Variants in VGF observed in about 807,000 individuals in gnomAD.
VGF encodes the protein VGF nerve growth factor inducible.
In VGF, 13 loss-of-function variants were observed where a neutral mutation model predicts 41.1. The observed-to-expected ratio is 0.32, with a 90% CI of 0.21 to 0.50. VGF has a LOEUF of 0.50. VGF is among the 20% of genes least tolerant of loss of function. The pLI, the probability that VGF is intolerant of heterozygous loss-of-function variation, is 0.98. For synonymous variants in VGF, 473 were observed against 418.3 expected, an observed-to-expected ratio of 1.13 and a Z score of -1.60; for missense variants, 920 against 882.1, an observed-to-expected ratio of 1.04 and a Z score of -0.54.
At position 101,164,205 on chromosome 7, in the gene VGF, G is replaced by T. The variant is rs1797173907; in HGVS notation, c.639C>A (p.Phe213Leu). Reference protein sequence around the residue: ...ERVWRASWGEFQARVPERAPL... With the variant: ...ERVWRASWGELQARVPERAPL... ...GCGCGCGCTCCGGGACACGCGCCTGGAACTCTCCCCAGGAAGCGCGCCATA... is the reference window on the plus strand; with the variant it reads ...GCGCGCGCTCCGGGACACGCGCCTGTAACTCTCCCCAGGAAGCGCGCCATA... Residue 213 changes from phenylalanine (F) to leucine (L), a missense_variant, in exon 2 of 2, where the codon TTC becomes TTA. This residue lies in a region of VGF where 654 missense variants were observed against 638.4 expected (regional missense o/e 1.02). Coordinates refer to ENST00000249330, the MANE Select transcript of VGF (RefSeq NM_003378.4). The T allele has an allele frequency of 3.2e-6, 5 of 1,551,612 alleles. No individual in the cohort carries two copies. Among genetic ancestry groups the T allele is most frequent in the Non-Finnish European group, 4.3e-6 (5 of 1,152,350 alleles).
In VGF at chr7:101,164,018, A is replaced by T. The variant is rs758107473; in HGVS notation, c.826T>A (p.Phe276Ile). The T allele has an allele frequency of 6.8e-7, 1 of 1,477,430 alleles. No individual in the cohort carries two copies. Among genetic ancestry groups the T allele is most frequent in the Non-Finnish European group, 8.9e-7 (1 of 1,127,170 alleles). 91.5% of individuals were successfully genotyped at this position (1,477,430 alleles called of 1,614,324 possible). A position where few individuals can be genotyped will look rare whatever the true frequency, so the allele number is the denominator to read the frequency against. ...SKAYQGVAAP[F>I]PKARRPESAL... ...CTCTCCGGCCGGCGCGCCTTGGGGA[A>T]CGGGGCGGCCACGCCTTGGTACGCC... Residue 276 changes from phenylalanine (F) to isoleucine (I), a missense_variant, in exon 2 of 2, where the codon TTC (phenylalanine) becomes ATC (isoleucine). Phe to Ile is a conservative substitution (Grantham distance 21). Coordinates refer to ENST00000249330, the MANE Select transcript of VGF (RefSeq NM_003378.4).
chr7:101,167,327 G>A (rs577879280), upstream of VGF, among the ~76,000 whole-genome samples: 15 of 152,250 alleles, frequency 9.9e-5, no homozygotes, highest in Admixed American at 3.9e-4. The surrounding 1 kb of genome is among the most constrained non-coding windows in gnomAD (Gnocchi z 4.2). Context: ...GGTAGAAGGA[G>A]CAGGCTAAAG....
chr7:101,165,459 C>T lies in VGF; in HGVS notation c.-106G>A. On this transcript the variant is annotated 5_prime_UTR_variant, in exon 1 of 2. Coordinates refer to ENST00000249330, the MANE Select transcript of VGF (RefSeq NM_003378.4). ...AGATCGGGACGCGTCCGCCTCGGCTCCGAGCGGTGGCCGGGGTAGGAGCGA... is the reference window on the plus strand; with the variant it reads ...AGATCGGGACGCGTCCGCCTCGGCTTCGAGCGGTGGCCGGGGTAGGAGCGA... The T allele has an allele frequency of 1.0e-6, 1 of 985,438 alleles. No homozygotes were observed. Among genetic ancestry groups the T allele is most frequent in the Non-Finnish European group, 1.2e-6 (1 of 829,966 alleles). The allele number at this position is 985,438 out of a possible 1,614,324, so 61.0% of individuals were successfully genotyped here. A position where few individuals can be genotyped will look rare whatever the true frequency, so the allele number is the denominator to read the frequency against.
At position 101,164,604 on chromosome 7, in the gene VGF, C is replaced by A. The variant is rs1426773724; in HGVS notation, c.240G>T (p.Arg80=). 6.3e-7 allele frequency: 1 copy of A among 1,599,466 alleles called. No homozygotes were observed. Among genetic ancestry groups the A allele is most frequent in the Non-Finnish European group, 8.5e-7 (1 of 1,174,714 alleles). Residue 80 remains arginine (R), a synonymous_variant, in exon 2 of 2, where the codon CGG becomes CGT. Transcript: ENST00000249330. ...CCTGCAGCAGCACCGCGGCCAGCGC[C>A]CGGGGATCCACGCCCTGGAAAAGCT... is the stretch of plus-strand genomic sequence containing the variant. ...EGELFQGVDP[R]ALAAVLLQAL...
chr7:101,163,173 C>G lies in VGF; in HGVS notation c.1671G>C (p.Pro557=). 6.4e-7 allele frequency: 1 copy of G among 1,561,306 alleles called. No individual in the cohort carries two copies. Among genetic ancestry groups the G allele is most frequent in the South Asian group, 1.2e-5 (1 of 83,552 alleles). ...PNYIRPRTLQ[P]PSALRRRHYH... ...AGTGGCGGCGGCGCAAGGCCGAGGG[C>G]GGCTGCAGTGTCCGCGGCCGGATGT... The change falls in exon 2 of 2, where the codon CCG becomes CCC. Residue 557 remains proline, a synonymous_variant. Transcript: ENST00000249330. This position sits in a 1 kb window ranked among gnomAD's most constrained non-coding sequence, Gnocchi z 5.0.
At chr7:101,165,580 C>A (rs569072028), upstream of VGF, 8 of 985,408 alleles carry the variant, frequency 8.1e-6, no homozygotes, top group East Asian at 9.1e-4. Flanking sequence ...GGACAGCGCC[C>A]GCGCCTCCAC....
rs1562868095 is a variant in VGF at position 101,163,422 on chromosome 7, C to T, written c.1422G>A (p.Glu474=). The T allele has an allele frequency of 6.2e-7, 1 of 1,610,336 alleles. No homozygotes were observed. The highest frequency in any genetic ancestry group is 1.7e-4 in the Middle Eastern group (1 of 6,008). Residue 474 remains glutamate, a synonymous_variant, in exon 2 of 2, where the codon GAG becomes GAA. Transcript: ENST00000249330. This position sits in a 1 kb window ranked among gnomAD's most constrained non-coding sequence, Gnocchi z 5.0. ...TCCGCTTCCGCTTCTCCTCCACCTC[C>T]TCGATGATGCTGACCACGTCGTCCG... is the stretch of plus-strand genomic sequence containing the variant. ...LPADDVVSII[E]EVEEKRKRKK...
chr7:101,166,777 G>C (rs1469089328), upstream of VGF, among the ~76,000 whole-genome samples: 1 of 136,350 alleles, frequency 7.3e-6, no homozygotes, highest in African/African-American at 2.7e-5. Context: ...GGGCGGGGGT[G>C]GGGGGGAGGA....
chr7:101,166,523 G>GGGGA (rs558445019), upstream of VGF, among the ~76,000 whole-genome samples: 2 of 150,080 alleles, frequency 1.3e-5, no homozygotes, highest in Non-Finnish European at 3.0e-5. Flanking sequence ...GGTGGGGGGG[G>GGGGA]GGTGACTCAA....
chr7:101,164,720 G>A lies in VGF; in HGVS notation c.124C>T (p.Pro42Ser). 2.5e-6 allele frequency: 4 copies of A among 1,610,444 alleles called. No homozygotes were observed. Among genetic ancestry groups the A allele is most frequent in the Non-Finnish European group, 3.4e-6 (4 of 1,178,750 alleles). The stretch of plus-strand genomic sequence containing the variant: ...CCGGGCACTGCGTCCCCGGCTACCG[G>A]CTCTTTATGCTCAGAGCTGAGAGGA... ...PPPLSSEHKE[P>S]VAGDAVPGPK... The change falls in exon 2 of 2, where the codon CCG (proline) becomes TCG (serine). Residue 42 changes from proline to serine, a missense_variant. Pro to Ser is a moderately conservative substitution (Grantham distance 74). This residue lies in a region of VGF where 654 missense variants were observed against 638.4 expected (regional missense o/e 1.02). Coordinates refer to ENST00000249330, the MANE Select transcript of VGF (RefSeq NM_003378.4).
Position 101,163,035 on chromosome 7 carries a change from C to G in VGF, c.1809G>C (p.Leu603=). The change falls in exon 2 of 2, where the codon CTG becomes CTC. Residue 603 remains leucine (L), a synonymous_variant. Coordinates refer to ENST00000249330, the MANE Select transcript of VGF (RefSeq NM_003378.4). This position sits in a 1 kb window ranked among gnomAD's most constrained non-coding sequence, Gnocchi z 5.0. ...GCAGCACGTGCTCGATGTAATTCTC[C>G]AGCTCCTCCTGCTCCTGCAGCCGGC... is the stretch of plus-strand genomic sequence containing the variant. ...EERRLQEQEE[L]ENYIEHVLLR... 1 of 1,565,896 alleles carries G rather than the reference C, an allele frequency of 6.4e-7. No homozygotes were observed. Among genetic ancestry groups the G allele is most frequent in the Non-Finnish European group, 8.6e-7 (1 of 1,160,968 alleles).
upstream of VGF, among the ~76,000 whole-genome samples, chr7:101,168,011 TTTTTTTTG>T (rs572441965): frequency 0.11 from 12,851 of 121,260 alleles, 621 homozygotes; most frequent in East Asian, 0.29. Flanking sequence ...GCTGGGTTGT[TTTTTTTTG>T]TTTTTTTTTT....
Position 101,164,415 on chromosome 7 carries a change from C to A in VGF, c.429G>T (p.Pro143=), listed in dbSNP as rs756387061. Residue 143 remains proline (P), a synonymous_variant, in exon 2 of 2, where the codon CCG becomes CCT. Coordinates refer to ENST00000249330, the MANE Select transcript of VGF (RefSeq NM_003378.4). ...EPAAPPRPQT[P]ENGPEASDPS... is the part of the protein sequence containing the mutation. Reference sequence around the variant, plus strand: ...GATCGCTCGCCTCGGGCCCATTCTCCGGAGTCTGAGGGCGAGGCGGAGCCG... The same window carrying A: ...GATCGCTCGCCTCGGGCCCATTCTCAGGAGTCTGAGGGCGAGGCGGAGCCG... The A allele has an allele frequency of 6.2e-7, 1 of 1,609,858 alleles. No individual in the cohort carries two copies. The highest frequency in any genetic ancestry group is 8.5e-7 in the Non-Finnish European group (1 of 1,179,468).
chr7:101,167,600 G>A (rs1218055696), upstream of VGF, among the ~76,000 whole-genome samples: 19 of 152,138 alleles, frequency 1.2e-4, no homozygotes, highest in Admixed American at 1.2e-3. The surrounding 1 kb of genome is among the most constrained non-coding windows in gnomAD (Gnocchi z 4.2). Flanking sequence ...GAGGGGGAGG[G>A]GAAGCCATCC....
In VGF at chr7:101,163,911, C is replaced by A. The variant is rs778645602; in HGVS notation, c.933G>T (p.Ala311=). Residue 311 remains alanine (A), a synonymous_variant, in exon 2 of 2, where the codon GCG becomes GCT. Transcript: ENST00000249330. This position sits in a 1 kb window ranked among gnomAD's most constrained non-coding sequence, Gnocchi z 5.0. The part of the protein sequence containing the change: ...LAQVEAGRRQ[A]EATRQAAAQE... ...GCGCCGCGGCCTGCCGCGTGGCCTC[C>A]GCCTGCCGCCGCCCGGCCTCCACCT... 2.1e-6 allele frequency: 3 copies of A among 1,459,810 alleles called. No homozygotes were observed. The highest frequency in any genetic ancestry group is 1.4e-5 in the South Asian group (1 of 72,460). 90.4% of individuals were successfully genotyped at this position (1,459,810 alleles called of 1,614,324 possible).
At chr7:101,165,132 T>C in intron 1 of VGF, 1 of 1,155,916 alleles carries the variant, frequency 8.7e-7, no homozygotes, top group Non-Finnish European at 1.1e-6. Context: ...ATCGCCCACG[T>C]ACTAAGCAGC....
In VGF at chr7:101,162,936, AG is replaced by A; in HGVS notation, c.*59del. The A allele has an allele frequency of 3.9e-6, 3 of 764,296 alleles. No homozygotes were observed. The highest frequency in any genetic ancestry group is 3.9e-5 in the South Asian group (1 of 25,724). The allele number at this position is 764,296 out of a possible 1,614,324, so 47.3% of individuals were successfully genotyped here. The stretch of plus-strand genomic sequence containing the variant: ...CACCGAGGGGGAGCGGGCAACACGG[AG>A]GGGGGCGCCGGCGCGCGCGCGCGGC... On this transcript the variant is annotated 3_prime_UTR_variant, in exon 2 of 2. Coordinates refer to ENST00000249330, the MANE Select transcript of VGF (RefSeq NM_003378.4). The surrounding 1 kb of genome is among the most constrained non-coding windows in gnomAD (Gnocchi z 4.2).
chr7:101,165,230 G>T, intron 1 of VGF, 144 bp downstream of exon 1: 1 of 999,042 alleles, frequency 1.0e-6, no homozygotes, highest in Non-Finnish European at 1.2e-6. Flanking sequence ...AAGAGAAAAA[G>T]CTGCGACTCC....
At chr7:101,164,993 A>T in intron 1 of VGF, 130 bp from the exon 2 acceptor site, 3 of 1,380,904 alleles carry the variant, frequency 2.2e-6, no homozygotes, top group Non-Finnish European at 2.8e-6. Context: ...TACCCAGAAG[A>T]GGAACGTTTA....
Sources: gnomAD v4.1 joint callset for allele counts (sites outside exome capture counted in the v4.1 genomes callset) on GRCh38, gnomAD v4.1.1 for gene constraint, gnomAD v4.1.1 regional missense constraint, Gnocchi (gnomAD v3.1) non-coding constraint, MANE v1.5 for transcripts, NCBI Gene and HGNC (gene_info 2026-07-23, HGNC 2026-07-21) for gene names.